Variants in ASAP3 observed in about 807,000 individuals in gnomAD.
ASAP3 encodes the protein arf-GAP with SH3 domain, ANK repeat and PH domain-containing protein 3.
In ASAP3, 85 loss-of-function variants were observed where a neutral mutation model predicts 118.2. The observed-to-expected ratio is 0.72, with a 90% CI of 0.60 to 0.86. The LOEUF (loss-of-function observed/expected upper bound fraction) is 0.86. ASAP3 is among the 40% of genes least tolerant of loss of function. The probability of loss-of-function intolerance (pLI) is 0.00; values close to 1 mark genes in which losing one functional copy is unlikely to be tolerated. For missense variants in ASAP3, 1,026 were observed against 1,175.0 expected, an observed-to-expected ratio of 0.87 and a Z score of 1.85; for synonymous variants, 432 against 477.4, an observed-to-expected ratio of 0.90 and a Z score of 1.24.
At position 23,438,992 on chromosome 1, in the gene ASAP3, G is replaced by C. The variant is rs1156422912; in HGVS notation, c.1015-158C>G. Reference sequence around the variant, plus strand: ...CTCAAGGATGTGAAGTGTAGACTAAGACTAGATTGGGGCCTTCAGGTCCCA... The same window carrying C: ...CTCAAGGATGTGAAGTGTAGACTAACACTAGATTGGGGCCTTCAGGTCCCA... On this transcript the variant is annotated intron_variant, in intron 11 of 24. Coordinates refer to ENST00000336689, the MANE Select transcript of ASAP3 (RefSeq NM_017707.4). This position sits in a 1 kb window ranked among gnomAD's most constrained non-coding sequence, Gnocchi z 4.9. 3 of 1,077,878 alleles carry C rather than the reference G, an allele frequency of 2.8e-6. No homozygotes were observed. Among genetic ancestry groups the C allele is most frequent in the Non-Finnish European group, 4.1e-6 (3 of 734,194 alleles). 66.8% of individuals were successfully genotyped at this position (1,077,878 alleles called of 1,614,324 possible). A position where few individuals can be genotyped will look rare whatever the true frequency, so the allele number is the denominator to read the frequency against.
chr1:23,473,974 C>CT (rs10664798), intron 1 of ASAP3, among the ~76,000 whole-genome samples: 4,137 of 72,078 alleles, frequency 0.057, 861 homozygotes, highest in African/African-American at 0.22. Context: ...TAAATCTGCT[C>CT]TTTTTTTTTT....
intron 1 of ASAP3, among the ~76,000 whole-genome samples, chr1:23,468,870 C>CAAAAA (rs1172330542): frequency 1.1e-4 from 5 of 47,356 alleles, no homozygotes; most frequent in African/African-American, 9.3e-5. Context: ...GACTCCATCT[C>CAAAAA]AAAAAAAAAA....
At position 23,429,743 on chromosome 1, in the gene ASAP3, CAG is replaced by C. The variant is rs983797664; in HGVS notation, c.*111_*112del. On this transcript the variant is annotated 3_prime_UTR_variant, in exon 25 of 25. Coordinates refer to ENST00000336689, the MANE Select transcript of ASAP3 (RefSeq NM_017707.4). ...AGGCCAGCTACAGAGGCACAAGGGA[CAG>C]AGAGAGTGAGATCCAAGAGAACAAA... 8 of 1,088,932 alleles carry C rather than the reference CAG, an allele frequency of 7.3e-6. No individual in the cohort carries two copies. Among genetic ancestry groups the C allele is most frequent in the Non-Finnish European group, 9.2e-6 (7 of 756,938 alleles). 67.5% of individuals were successfully genotyped at this position (1,088,932 alleles called of 1,614,324 possible). A position where few individuals can be genotyped will look rare whatever the true frequency, so the allele number is the denominator to read the frequency against.
At chr1:23,482,038 A>C (rs1191215851) in intron 1 of ASAP3, among the ~76,000 whole-genome samples, 1 of 152,234 alleles carries the variant, frequency 6.6e-6, no homozygotes, top group East Asian at 1.9e-4. Context: ...TGCCCAAGGA[A>C]GGAAGCCAAA....
intron 1 of ASAP3, among the ~76,000 whole-genome samples, chr1:23,464,667 A>T (rs1430613232): frequency 2.1e-5 from 2 of 96,136 alleles, no homozygotes; most frequent in African/African-American, 7.6e-5. Flanking sequence ...CTTAAAAAAA[A>T]AAAAAAAAAA....
At position 23,484,155 on chromosome 1, in the gene ASAP3, G is replaced by A. The variant is rs1368575249; in HGVS notation, c.-22C>T. On this transcript the variant is annotated 5_prime_UTR_variant, in exon 1 of 25. Transcript: ENST00000336689. ...GCATGGCGGGCGCGAGCGTGGAGCT[G>A]CCGGAGCGGGGCGCGGGGGGCACTG... The A allele has an allele frequency of 7.9e-7, 1 of 1,257,964 alleles. No homozygotes were observed. Among genetic ancestry groups the A allele is most frequent in the Non-Finnish European group, 1.0e-6 (1 of 1,002,968 alleles). 77.9% of individuals were successfully genotyped at this position (1,257,964 alleles called of 1,614,324 possible).
Position 23,481,826 on chromosome 1 carries a change from C to G in ASAP3, c.129+2179G>C, listed in dbSNP as rs1642317216. Among the ~76,000 whole-genome samples the G allele has an allele frequency of 2.0e-5, 3 of 152,184 alleles. No homozygotes were observed. The South Asian group carries it at 6.2e-4, about 32-fold the overall frequency. On this transcript the variant is annotated intron_variant, in intron 1 of 24. Coordinates refer to ENST00000336689, the MANE Select transcript of ASAP3 (RefSeq NM_017707.4). ...TCATATTGGAGCCCCTTCTCCTGCT[C>G]TAAGATTCTAATGAACAACCTGGGG... is the stretch of plus-strand genomic sequence containing the variant.
chr1:23,438,807 G>A lies in ASAP3; in HGVS notation c.1042C>T (p.Leu348=). ...TTTGGCCTCACTTGGCACGTCAGCA[G>A]GGTCAGCTTCACCGGGGGCCGGTTT... is the stretch of plus-strand genomic sequence containing the variant. ...TINRPPVKLT[L]LTCQVRPNPE... The change falls in exon 12 of 25, where the codon CTG becomes TTG. Residue 348 remains leucine (L), a synonymous_variant. Transcript: ENST00000336689. The surrounding 1 kb of genome is among the most constrained non-coding windows in gnomAD (Gnocchi z 4.9). 1 of 1,614,250 alleles carries A rather than the reference G, an allele frequency of 6.2e-7. No homozygotes were observed. The highest frequency in any genetic ancestry group is 1.6e-4 in the Middle Eastern group (1 of 6,062).
Position 23,483,995 on chromosome 1 carries a change from GC to G in ASAP3, c.129+9del, listed in dbSNP as rs1558202610. ...CCGACCCCCGACCCCTCCCGCCTCG[GC>G]CCCCTCACCTCCTCCCGCGCCAGCG... On this transcript the variant is annotated intron_variant, in intron 1 of 24. Transcript: ENST00000336689. 2.3e-6 allele frequency: 3 copies of G among 1,282,396 alleles called. No individual in the cohort carries two copies. The highest frequency in any genetic ancestry group is 2.4e-5 in the South Asian group (1 of 40,878). The allele number at this position is 1,282,396 out of a possible 1,614,324, so 79.4% of individuals were successfully genotyped here. A position where few individuals can be genotyped will look rare whatever the true frequency, so the allele number is the denominator to read the frequency against.
chr1:23,474,544 T>C (rs1367509320), intron 1 of ASAP3, among the ~76,000 whole-genome samples: 4 of 152,096 alleles, frequency 2.6e-5, no homozygotes, highest in African/African-American at 9.7e-5. Context: ...TTCGTTCCTC[T>C]CTCTAGGTGA....
At chr1:23,434,146 C>T in intron 19 of ASAP3, 108 bp downstream of exon 19, 1 of 1,058,214 alleles carries the variant, frequency 9.4e-7, no homozygotes, top group Non-Finnish European at 1.4e-6. Context: ...CCCCTAAGAT[C>T]ACAGAGGTGG....
chr1:23,431,211 C>A, intron 23 of ASAP3, 86 bp from the exon 24 acceptor site: 1 of 1,402,444 alleles, frequency 7.1e-7, no homozygotes. Flanking sequence ...CAGAGCCAGT[C>A]TGGGGGCTTA....
At chr1:23,475,556 C>T (rs1411112651) in intron 1 of ASAP3, among the ~76,000 whole-genome samples, 1 of 152,158 alleles carries the variant, frequency 6.6e-6, no homozygotes, top group Admixed American at 6.5e-5. Flanking sequence ...TTGAAACCCA[C>T]GGTCTCGATG....
chr1:23,438,240 A>G lies in ASAP3; in HGVS notation c.1102+507T>C, dbSNP rs945144542. On this transcript the variant is annotated intron_variant, in intron 12 of 24. Transcript: ENST00000336689. This position sits in a 1 kb window ranked among gnomAD's most constrained non-coding sequence, Gnocchi z 4.9. Reference sequence around the variant, plus strand: ...CTGCTCCCTAATCTTCTATGGGGCTATATCTGCACCCATCTTCTGGACAGC... The same window carrying G: ...CTGCTCCCTAATCTTCTATGGGGCTGTATCTGCACCCATCTTCTGGACAGC... Among the ~76,000 whole-genome samples, 2 of 152,098 alleles carry G rather than the reference A, an allele frequency of 1.3e-5. No homozygotes were observed. The highest frequency in any genetic ancestry group is 2.9e-5 in the Non-Finnish European group (2 of 68,018).
chr1:23,474,061 G>A (rs1242419205), intron 1 of ASAP3, among the ~76,000 whole-genome samples: 2 of 123,672 alleles, frequency 1.6e-5, no homozygotes, highest in South Asian at 2.8e-4. Flanking sequence ...TCCACCTCCC[G>A]GGTTCAAGCA....
At chr1:23,444,227 A>T (rs142153390) in intron 5 of ASAP3, among the ~76,000 whole-genome samples, 36 of 152,322 alleles carry the variant, frequency 2.4e-4, no homozygotes, top group African/African-American at 7.7e-4. Flanking sequence ...AGCTAAGAGT[A>T]ACTGGGGCCT....
chr1:23,468,421 A>G (rs7522616), intron 1 of ASAP3, among the ~76,000 whole-genome samples: 99,259 of 152,104 alleles, frequency 0.65, 36,938 homozygotes, highest in Non-Finnish European at 0.82. Flanking sequence ...CAATCAATCA[A>G]TACTAACAGT....
chr1:23,464,659 TAAAAAAAAAAAAAAAAAAAAA>T (rs57655847), intron 1 of ASAP3, among the ~76,000 whole-genome samples: 2 of 47,082 alleles, frequency 4.2e-5, no homozygotes, highest in South Asian at 7.3e-4. Flanking sequence ...GACACTGTCT[TAAAAAAAAAAAAAAAAAAAAA>T]AAAAAAAAAA....
At chr1:23,449,618 C>T (rs1017344280) in intron 5 of ASAP3, among the ~76,000 whole-genome samples, 6 of 152,158 alleles carry the variant, frequency 3.9e-5, no homozygotes, top group African/African-American at 1.2e-4. Context: ...TGTACAGTCA[C>T]CCGTGCCAAG....
Sources: gnomAD v4.1 joint callset for allele counts (sites outside exome capture counted in the v4.1 genomes callset) on GRCh38, gnomAD v4.1.1 for gene constraint, Gnocchi (gnomAD v3.1) non-coding constraint, MANE v1.5 for transcripts, NCBI Gene and HGNC (gene_info 2026-07-23, HGNC 2026-07-21) for gene names.